Variants in ASAH2B observed in about 807,000 individuals in gnomAD.
The protein encoded by ASAH2B is putative inactive neutral ceramidase B.
Under a neutral mutation model 2.9 loss-of-function variants are expected in ASAH2B, and 1 was observed. The ratio of observed to expected loss-of-function variants is 0.34; its 90% CI spans 0.12 to 1.63. ASAH2B has a LOEUF of 1.63. ASAH2B is among the 40% of genes most tolerant of loss of function. The pLI is 0.36. For missense variants in ASAH2B, 9 were observed against 37.7 expected (o/e 0.24, Z 1.99); for synonymous variants, 4 against 13.3 (o/e 0.30, Z 1.52).
At chr10:50,742,841 C>T (rs1839850521) in intron 1 of ASAH2B, 74 bp from the exon 2 acceptor site, 1 of 1,474,278 alleles carries the variant, frequency 6.8e-7, no homozygotes, top group Non-Finnish European at 9.5e-7. Flanking sequence ...ATCACACTTA[C>T]CTAAAATGCT....
intron 5 of ASAH2B, among the ~76,000 whole-genome samples, chr10:50,754,072 G>A (rs1211725971): frequency 1.4e-5 from 2 of 145,282 alleles, no homozygotes; most frequent in African/African-American, 2.6e-5. Flanking sequence ...TATCTATCTT[G>A]CTCCTTACTG....
In ASAH2B at chr10:50,742,956, C is replaced by T. The variant is rs373985642; in HGVS notation, c.-58C>T. 1.2e-5 allele frequency: 19 copies of T among 1,613,976 alleles called. No individual in the cohort carries two copies. The highest frequency in any genetic ancestry group is 4.5e-5 in the East Asian group (2 of 44,884). ...CAGCATCGACAATTTATGGACCGCA[C>T]GCATTATCTGCTTACATTCAGCTCT... On this transcript the variant is annotated 5_prime_UTR_variant, in exon 2 of 6. The change creates a new upstream start codon in the 5' untranslated region. Transcript: ENST00000647317.
chr10:50,744,350 G>C (rs1441461313), intron 2 of ASAH2B, among the ~76,000 whole-genome samples: 1 of 151,310 alleles, frequency 6.6e-6, no homozygotes, highest in Non-Finnish European at 1.5e-5. Context: ...AACTAGCTAT[G>C]TGATCTTGAA....
rs1837106736 is a variant in ASAH2B, at chr10:50,756,972, A to G, written c.*2232A>G. The G allele has an allele frequency of 6.6e-6, 1 of 151,706 alleles. No individual in the cohort carries two copies. Among genetic ancestry groups the G allele is most frequent in the African/African-American group, 2.4e-5 (1 of 41,380 alleles). 9.4% of individuals were successfully genotyped at this position (151,706 alleles called of 1,614,324 possible). A position where few individuals can be genotyped will look rare whatever the true frequency, so the allele number is the denominator to read the frequency against. On this transcript the variant is annotated 3_prime_UTR_variant, in exon 6 of 6. Transcript: ENST00000647317. Reference sequence around the variant, plus strand: ...AAAAGTGGAATATGGCAGATTGGGTAGGTAGGAGAACAATTTTGGAGATTT... The same window carrying G: ...AAAAGTGGAATATGGCAGATTGGGTGGGTAGGAGAACAATTTTGGAGATTT...
rs1433782776 is a variant in ASAH2B at position 50,756,793 on chromosome 10, A to G, written c.*2053A>G. On this transcript the variant is annotated 3_prime_UTR_variant, in exon 6 of 6. Coordinates refer to ENST00000647317, the MANE Select transcript of ASAH2B (RefSeq NM_001321958.2). ...ATAAAACCAAATTCCTGGATTATCAATATCAGTTCTTTACCTGTGCATAAA... is the reference window on the plus strand; with the variant it reads ...ATAAAACCAAATTCCTGGATTATCAGTATCAGTTCTTTACCTGTGCATAAA... 5.9e-5 allele frequency: 9 copies of G among 151,824 alleles called. No individual in the cohort carries two copies. Among genetic ancestry groups the G allele is most frequent in the African/African-American group, 1.9e-4 (8 of 41,418 alleles). The allele number at this position is 151,824 out of a possible 1,614,324, so 9.4% of individuals were successfully genotyped here.
rs1837147332 is a variant in ASAH2B, at chr10:50,758,854, A to G, written c.*4114A>G. 6.6e-6 allele frequency: 1 copy of G among 151,980 alleles called. No individual in the cohort carries two copies. Among genetic ancestry groups the G allele is most frequent in the African/African-American group, 2.4e-5 (1 of 41,412 alleles). The allele number at this position is 151,980 out of a possible 1,614,324, so 9.4% of individuals were successfully genotyped here. A position where few individuals can be genotyped will look rare whatever the true frequency, so the allele number is the denominator to read the frequency against. ...GTAATTACTGTACAGAGTGACCCAT[A>G]TTGTTATTGTTCAGGGAATTAGAGA... is the stretch of plus-strand genomic sequence containing the variant. On this transcript the variant is annotated 3_prime_UTR_variant, in exon 6 of 6. Transcript: ENST00000647317.
chr10:50,742,617 A>C (rs1839847671), intron 1 of ASAH2B, among the ~76,000 whole-genome samples: 1 of 152,160 alleles, frequency 6.6e-6, no homozygotes, highest in African/African-American at 2.4e-5. Context: ...TTATATTACA[A>C]GTACTTATAA....
At chr10:50,746,812 GT>G (rs1374496617) in intron 3 of ASAH2B, among the ~76,000 whole-genome samples, 1 of 151,404 alleles carries the variant, frequency 6.6e-6, no homozygotes, top group Non-Finnish European at 1.5e-5. Context: ...TTGGAGAAAT[GT>G]TTATTCAGGT....
intron 2 of ASAH2B, among the ~76,000 whole-genome samples, chr10:50,743,228 T>A (rs1399315129): frequency 6.6e-6 from 1 of 152,212 alleles, no homozygotes; most frequent in Non-Finnish European, 1.5e-5. Flanking sequence ...CATCCTTTCA[T>A]GCTGGCAGCT....
intron 1 of ASAH2B, among the ~76,000 whole-genome samples, chr10:50,741,910 G>A (rs543125661): frequency 1.3e-5 from 2 of 152,244 alleles, no homozygotes; most frequent in East Asian, 3.9e-4. Flanking sequence ...TATAGGCAGA[G>A]GACTGATTAA....
rs1837093573 is a variant in ASAH2B at position 50,756,531 on chromosome 10, A to G, written c.*1791A>G. 1 of 151,984 alleles carries G rather than the reference A, an allele frequency of 6.6e-6. No individual in the cohort carries two copies. Among genetic ancestry groups the G allele is most frequent in the African/African-American group, 2.4e-5 (1 of 41,444 alleles). The allele number at this position is 151,984 out of a possible 1,614,324, so 9.4% of individuals were successfully genotyped here. ...TTTTTTAAAGTATTTGTTATTACTCAGAAGGGTTCATGAATCAGTTTCCAC... is the reference window on the plus strand; with the variant it reads ...TTTTTTAAAGTATTTGTTATTACTCGGAAGGGTTCATGAATCAGTTTCCAC... On this transcript the variant is annotated 3_prime_UTR_variant, in exon 6 of 6. Transcript: ENST00000647317.
rs1450112448 is a variant in ASAH2B, at chr10:50,755,558, T to A, written c.*818T>A. ...ATGATTTTTTGACTCTTTTCATTAA[T>A]CAAATTCACCCCAAACCAGAAAGTT... On this transcript the variant is annotated 3_prime_UTR_variant, in exon 6 of 6. Transcript: ENST00000647317. 9.7e-4 allele frequency: 146 copies of A among 151,020 alleles called. No homozygotes were observed. The highest frequency in any genetic ancestry group is 3.3e-3 in the African/African-American group (137 of 41,096). 9.4% of individuals were successfully genotyped at this position (151,020 alleles called of 1,614,324 possible).
At chr10:50,740,470 T>G (rs1023633644) in intron 1 of ASAH2B, among the ~76,000 whole-genome samples, 1 of 152,166 alleles carries the variant, frequency 6.6e-6, no homozygotes, top group Admixed American at 6.5e-5. Context: ...ACTTTCTGTT[T>G]CCGCTCGTGT....
chr10:50,740,730 G>C (rs570994113), intron 1 of ASAH2B, among the ~76,000 whole-genome samples: 1 of 152,090 alleles, frequency 6.6e-6, no homozygotes, highest in African/African-American at 2.4e-5. Context: ...CAATCAAGCT[G>C]TCAGATTTTA....
At chr10:50,741,309 C>T (rs1242122901) in intron 1 of ASAH2B, among the ~76,000 whole-genome samples, 3 of 152,168 alleles carry the variant, frequency 2.0e-5, no homozygotes, top group Admixed American at 2.0e-4. Flanking sequence ...ATTCATTCAA[C>T]AGATGTATTG....
Position 50,743,010 on chromosome 10 carries a change from G to A in ASAH2B, c.-4G>A, listed in dbSNP as rs199913552. The A allele has an allele frequency of 9.3e-6, 15 of 1,613,616 alleles. No homozygotes were observed. The highest frequency in any genetic ancestry group is 8.8e-5 in the South Asian group (8 of 91,060). ...GAAACCTTGCTAAGGCTATTGCTAC[G>A]GTAATCAAATATTGTTTGTGCGTGC... On this transcript the variant is annotated splice_region_variant and 5_prime_UTR_variant, in exon 2 of 6. Coordinates refer to ENST00000647317, the MANE Select transcript of ASAH2B (RefSeq NM_001321958.2).
intron 3 of ASAH2B, among the ~76,000 whole-genome samples, chr10:50,748,241 A>G (rs1237267875): frequency 4.5e-5 from 4 of 89,274 alleles, no homozygotes; most frequent in African/African-American, 8.9e-5. Flanking sequence ...AATCCTTTTA[A>G]TTTCTGAAGA....
intron 2 of ASAH2B, among the ~76,000 whole-genome samples, chr10:50,744,387 A>G (rs1564470402): frequency 6.6e-6 from 1 of 151,592 alleles, no homozygotes; most frequent in Non-Finnish European, 1.5e-5. Flanking sequence ...GTCTAAGCCT[A>G]TTTTCTCATT....
chr10:50,747,131 A>G (rs1839919608), intron 3 of ASAH2B, among the ~76,000 whole-genome samples: 1 of 147,990 alleles, frequency 6.8e-6, no homozygotes, highest in South Asian at 2.1e-4. Context: ...CAGTTGTTTT[A>G]TAGTTTCAGG....
Sources: gnomAD v4.1 joint callset for allele counts (sites outside exome capture counted in the v4.1 genomes callset) on GRCh38, gnomAD v4.1.1 for gene constraint, MANE v1.5 for transcripts, NCBI Gene and HGNC (gene_info 2026-07-23, HGNC 2026-07-21) for gene names.